RBFOX1: variants seen among roughly 807,000 people sequenced by gnomAD.
RBFOX1 encodes RNA binding fox-1 homolog 1.
RBFOX1 carries 8 observed loss-of-function variants against 57.7 expected under a neutral mutation model. The observed-to-expected ratio is 0.14, with a 90% CI of 0.08 to 0.25. The LOEUF is 0.25. RBFOX1 is among the 10% of genes least tolerant of loss of function. The pLI is 1.00. For synonymous variants in RBFOX1, 326 were observed against 222.4 expected, an observed-to-expected ratio of 1.47 and a Z score of -4.15; for missense variants, 611 against 548.5, an observed-to-expected ratio of 1.11 and a Z score of -1.14.
intron 2 of RBFOX1, among the ~76,000 whole-genome samples, chr16:6,586,266 C>T (rs913313191): frequency 2.0e-5 from 3 of 152,126 alleles, no homozygotes; most frequent in South Asian, 2.1e-4. Context: ...TTCTTTGAAC[C>T]ACTCGTCTTA....
chr16:6,649,221 A>C (rs181244104), intron 2 of RBFOX1, among the ~76,000 whole-genome samples: 29 of 152,254 alleles, frequency 1.9e-4, no homozygotes, highest in Middle Eastern at 3.4e-3. Flanking sequence ...AGCTCATTCA[A>C]CTTAACACAG....
At chr16:7,016,820 A>G (rs535701176) in intron 3 of RBFOX1, among the ~76,000 whole-genome samples, 3 of 152,224 alleles carry the variant, frequency 2.0e-5, no homozygotes, top group Admixed American at 6.5e-5. Flanking sequence ...AGGTGAGGTT[A>G]TTGTGATTTG....
intron 2 of RBFOX1, among the ~76,000 whole-genome samples, chr16:6,516,192 C>T: frequency 6.6e-6 from 1 of 152,130 alleles, no homozygotes; most frequent in East Asian, 1.9e-4. Context: ...CCATGCCTGG[C>T]TAATACTTGT....
intron 2 of RBFOX1, among the ~76,000 whole-genome samples, chr16:6,504,252 C>A (rs813913): frequency 0.51 from 77,025 of 152,004 alleles, 20,408 homozygotes; most frequent in Admixed American, 0.62. Context: ...CGATTCTGAG[C>A]TTCTCCACAG....
At chr16:6,043,120 G>GAAAAAAAAAAAAAAAAAAAAAA (rs570358262) in intron 1 of RBFOX1, among the ~76,000 whole-genome samples, 2 of 70,254 alleles carry the variant, frequency 2.8e-5, no homozygotes, top group African/African-American at 5.4e-5. Flanking sequence ...TGTGTTTCCA[G>GAAAAAAAAAAAAAAAAAAAAAA]AAAAAAAAAA....
At chr16:5,494,278 C>G (rs961663066) in intron 2 of RBFOX1, among the ~76,000 whole-genome samples, 1 of 152,200 alleles carries the variant, frequency 6.6e-6, no homozygotes, top group African/African-American at 2.4e-5. Context: ...GGATTCCAGT[C>G]TTGCCTCTAG....
At chr16:6,012,621 C>G (rs1397959428) in intron 4 of RBFOX1, among the ~76,000 whole-genome samples, 4 of 152,080 alleles carry the variant, frequency 2.6e-5, no homozygotes. Context: ...CTTCAACAAG[C>G]TAATGCAAAA....
chr16:7,158,488 A>G (rs148059915), intron 4 of RBFOX1, among the ~76,000 whole-genome samples: 1 of 152,176 alleles, frequency 6.6e-6, no homozygotes, highest in East Asian at 1.9e-4. Context: ...TTCCCTAGTT[A>G]AATTTGTACT....
Position 7,668,693 on chromosome 16 carries a change from A to AAGAT in RBFOX1, c.930+3732_930+3735dup, listed in dbSNP as rs530488807. Among the ~76,000 whole-genome samples the AAGAT allele has an allele frequency of 2.1e-4, 32 of 152,280 alleles. No individual in the cohort carries two copies. In the South Asian group the frequency reaches 4.4e-3, roughly 21 times the overall value. ...ACACACACACACACTTTTGTATAAA[A>AAGAT]AGATAGATAGGAATTTAATTTTCAT... On this transcript the variant is annotated intron_variant, in intron 13 of 15. Coordinates refer to ENST00000550418, the MANE Select transcript of RBFOX1 (RefSeq NM_018723.4).
intron 2 of RBFOX1, among the ~76,000 whole-genome samples, chr16:6,481,140 T>C (rs112770119): frequency 0.013 from 1,909 of 152,318 alleles, 15 homozygotes; most frequent in Non-Finnish European, 0.02. Flanking sequence ...CAGTTTACAG[T>C]GCTCATGGGA....
intron 2 of RBFOX1, among the ~76,000 whole-genome samples, chr16:6,643,933 C>G (rs1223222796): frequency 6.6e-6 from 1 of 152,116 alleles, no homozygotes; most frequent in East Asian, 1.9e-4. Flanking sequence ...TGAGACCAGC[C>G]TGGCCAACAT....
chr16:5,844,704 C>T (rs1051323571), intron 3 of RBFOX1, among the ~76,000 whole-genome samples: 1 of 152,124 alleles, frequency 6.6e-6, no homozygotes, highest in Non-Finnish European at 1.5e-5. Context: ...TTCTTAGAAT[C>T]GGATTAGTCA....
chr16:5,776,822 C>T (rs780737613), intron 3 of RBFOX1, among the ~76,000 whole-genome samples: 7 of 152,164 alleles, frequency 4.6e-5, no homozygotes, highest in Non-Finnish European at 8.8e-5. Context: ...CAGCCCTGTC[C>T]AGGAGATTTT....
chr16:5,712,729 C>G (rs556504225), intron 3 of RBFOX1, among the ~76,000 whole-genome samples: 59 of 152,342 alleles, frequency 3.9e-4, no homozygotes, highest in South Asian at 8.3e-4. Flanking sequence ...TAACCCAGTT[C>G]ATCCAGCTGC....
chr16:6,844,991 A>G (rs1725655246), intron 3 of RBFOX1, among the ~76,000 whole-genome samples: 1 of 152,044 alleles, frequency 6.6e-6, no homozygotes, highest in African/African-American at 2.4e-5. Flanking sequence ...TCTTTTGAGA[A>G]TTGTCTGTTT....
At chr16:5,566,800 G>C (rs2046089263) in intron 2 of RBFOX1, among the ~76,000 whole-genome samples, 1 of 152,000 alleles carries the variant, frequency 6.6e-6, no homozygotes, top group Non-Finnish European at 1.5e-5. Flanking sequence ...AATGAGCCAC[G>C]AGACAATTCA....
At chr16:5,450,674 G>A (rs1213179745) in intron 1 of RBFOX1, among the ~76,000 whole-genome samples, 1 of 152,158 alleles carries the variant, frequency 6.6e-6, no homozygotes, top group Non-Finnish European at 1.5e-5. Flanking sequence ...GTCAGAGTCA[G>A]GGAGGAAACT....
rs776535029 is a variant in RBFOX1 at position 6,019,640 on chromosome 16, C to G, written c.-479C>G. ...CCGAGCACCCCACATCTGGAGGGGA[C>G]AGCCAGCCGTGGGCCCCGCCCCGGC... is the stretch of plus-strand genomic sequence containing the variant. On this transcript the variant is annotated 5_prime_UTR_variant, in exon 1 of 16. Transcript: ENST00000550418. The surrounding 1 kb of genome is among the most constrained non-coding windows in gnomAD (Gnocchi z 4.2). The G allele has an allele frequency of 3.1e-6, 4 of 1,292,928 alleles. No individual in the cohort carries two copies. The African/African-American group carries it at 4.6e-5, about 15-fold the overall frequency. 80.1% of individuals were successfully genotyped at this position (1,292,928 alleles called of 1,614,324 possible). A position where few individuals can be genotyped will look rare whatever the true frequency, so the allele number is the denominator to read the frequency against.
At chr16:6,592,500 G>A (rs1468374097) in intron 2 of RBFOX1, among the ~76,000 whole-genome samples, 1 of 152,224 alleles carries the variant, frequency 6.6e-6, no homozygotes, top group Non-Finnish European at 1.5e-5. Flanking sequence ...AATGGAGCGT[G>A]CATTTGTACA....
Sources: gnomAD v4.1 joint callset for allele counts (sites outside exome capture counted in the v4.1 genomes callset) on GRCh38, gnomAD v4.1.1 for gene constraint, Gnocchi (gnomAD v3.1) non-coding constraint, MANE v1.5 for transcripts, NCBI Gene and HGNC (gene_info 2026-07-23, HGNC 2026-07-21) for gene names.